The following OR51B5 variants were observed in gnomAD, a reference collection of about 807,000 sequenced individuals.
OR51B5 encodes the protein olfactory receptor family 51 subfamily B member 5, also known as olfactory receptor 51B5.
For missense variants in OR51B5, 456 were observed against 374.6 expected, an observed-to-expected ratio of 1.22 and a Z score of -1.79; for synonymous variants, 186 against 144.8, an observed-to-expected ratio of 1.28 and a Z score of -2.04.
rs759300054 is a variant in OR51B5, at chr11:5,352,281, T to C, written n.85-5371A>G. Reference sequence around the variant, plus strand: ...ATGTCACTGTAGTTTGTCTGACATTTATTCATAGGTTTGGAAAGCATGTTC... The same window carrying C: ...ATGTCACTGTAGTTTGTCTGACATTCATTCATAGGTTTGGAAAGCATGTTC... On this transcript the variant is annotated intron_variant and non_coding_transcript_variant, in intron 1 of 4. Coordinates refer to the OR51B5 transcript ENST00000415970. The C allele has an allele frequency of 8.1e-6, 13 of 1,614,124 alleles. No homozygotes were observed. The Admixed American group carries it at 2.0e-4, about 25-fold the overall frequency.
chr11:5,349,455 A>C (rs574670575), intron 1 of OR51B5, among the ~76,000 whole-genome samples: 193 of 152,152 alleles, frequency 1.3e-3, no homozygotes, highest in Non-Finnish European at 2.1e-3. Context: ...ATATAACACA[A>C]TTAACTAGAT....
At chr11:5,443,428 C>T (rs578012577) in intron 1 of OR51B5, among the ~76,000 whole-genome samples, 1 of 152,052 alleles carries the variant, frequency 6.6e-6, no homozygotes, top group Non-Finnish European at 1.5e-5. Flanking sequence ...GGCTACTCTC[C>T]TTGCTAAACC....
intron 1 of OR51B5, among the ~76,000 whole-genome samples, chr11:5,488,058 T>G (rs1172222264): frequency 1.3e-5 from 2 of 152,156 alleles, no homozygotes; most frequent in African/African-American, 4.8e-5. Flanking sequence ...AAAACATCAA[T>G]GCCATGTTAC....
intron 1 of OR51B5, among the ~76,000 whole-genome samples, chr11:5,363,356 T>TG (rs1849316326): frequency 1.2e-5 from 1 of 81,858 alleles, no homozygotes; most frequent in African/African-American, 4.9e-5. Context: ...TTTTTTGGTT[T>TG]TTGTTTTTTT....
chr11:5,487,023 T>C (rs1340924784), intron 1 of OR51B5, among the ~76,000 whole-genome samples: 1 of 152,150 alleles, frequency 6.6e-6, no homozygotes, highest in East Asian at 1.9e-4. Context: ...AAAAAAGATA[T>C]TAGCCTCATT....
chr11:5,373,826 G>C (rs966177102), intron 1 of OR51B5, among the ~76,000 whole-genome samples: 3 of 152,226 alleles, frequency 2.0e-5, no homozygotes, highest in African/African-American at 7.2e-5. Flanking sequence ...AAGCAGCCAG[G>C]AAGCTCAAAC....
chr11:5,504,761 C>T (rs1049598892), intron 1 of OR51B5, among the ~76,000 whole-genome samples: 7 of 152,326 alleles, frequency 4.6e-5, no homozygotes, highest in Middle Eastern at 3.4e-3. Context: ...ACACTTTCCA[C>T]GTACCAGGCC....
chr11:5,390,691 A>C, intron 1 of OR51B5: 1 of 270,542 alleles, frequency 3.7e-6, no homozygotes, highest in Non-Finnish European at 7.0e-6. Context: ...TAAAAAGAAC[A>C]ATAAATACCA....
intron 1 of OR51B5, among the ~76,000 whole-genome samples, chr11:5,495,007 A>G (rs1851628106): frequency 6.6e-6 from 1 of 152,200 alleles, no homozygotes; most frequent in African/African-American, 2.4e-5. Flanking sequence ...CAGAAGGGAC[A>G]TTAGCAACAT....
intron 1 of OR51B5, among the ~76,000 whole-genome samples, chr11:5,405,580 A>T (rs1471360341): frequency 6.6e-6 from 1 of 152,070 alleles, no homozygotes; most frequent in African/African-American, 2.4e-5. Context: ...CACTTTCTGG[A>T]ATGTTGTTTA....
intron 1 of OR51B5, among the ~76,000 whole-genome samples, chr11:5,399,402 C>T (rs1415520228): frequency 2.0e-5 from 3 of 152,162 alleles, no homozygotes; most frequent in Admixed American, 6.5e-5. Context: ...TAAAGGCTCA[C>T]ATTAAATATT....
intron 1 of OR51B5, chr11:5,455,837 G>A (rs151263320): frequency 5.5e-4 from 83 of 152,092 alleles, no homozygotes; most frequent in African/African-American, 1.7e-3. Flanking sequence ...ATGTCTACAG[G>A]TACAATAAGA....
intron 1 of OR51B5, chr11:5,449,454 G>C (rs549888392): frequency 2.0e-5 from 3 of 152,402 alleles, no homozygotes; most frequent in African/African-American, 7.2e-5. Context: ...GGTATGGTGA[G>C]GGGAAGTGGA....
Position 5,443,249 on chromosome 11 carries a change from A to C in OR51B5, n.84+62320T>G, listed in dbSNP as rs567706043. 3.3e-5 allele frequency among the ~76,000 whole-genome samples: 5 copies of C among 152,230 alleles called. No individual in the cohort carries two copies. In the South Asian group the frequency reaches 8.3e-4, roughly 25 times the overall value. Reference sequence around the variant, plus strand: ...CCATTTTATTCCTACCACTCCTCATAAACAGAGTGAAATTAGATGGTGACA... The same window carrying C: ...CCATTTTATTCCTACCACTCCTCATCAACAGAGTGAAATTAGATGGTGACA... On this transcript the variant is annotated intron_variant and non_coding_transcript_variant, in intron 1 of 4. Transcript: ENST00000415970.
chr11:5,411,206 T>C lies in OR51B5; in HGVS notation n.85-64296A>G, dbSNP rs541749868. On this transcript the variant is annotated intron_variant and non_coding_transcript_variant, in intron 1 of 4. Coordinates refer to the OR51B5 transcript ENST00000415970. The stretch of plus-strand genomic sequence containing the variant: ...GTACATGCCCTATTCAGGTGTATCA[T>C]TGTTTATCTGTTGTAGCATTTTTTA... 7.9e-5 allele frequency among the ~76,000 whole-genome samples: 12 copies of C among 152,338 alleles called. No homozygotes were observed. In the East Asian group the frequency reaches 9.6e-4, roughly 12 times the overall value.
intron 1 of OR51B5, among the ~76,000 whole-genome samples, chr11:5,480,447 A>G (rs1201399128): frequency 3.3e-5 from 5 of 151,116 alleles, no homozygotes; most frequent in African/African-American, 1.2e-4. Context: ...AATTAAAAGA[A>G]CTAGAAAAGC....
intron 1 of OR51B5, among the ~76,000 whole-genome samples, chr11:5,419,495 A>T (rs1850298195): frequency 6.6e-6 from 1 of 152,220 alleles, no homozygotes; most frequent in South Asian, 2.1e-4. Flanking sequence ...TTCCCCTGTC[A>T]TTATTCCCTA....
Position 5,450,235 on chromosome 11 carries a change from A to T in OR51B5, n.84+55334T>A, listed in dbSNP as rs188689063. Among the ~76,000 whole-genome samples, 988 of 152,120 alleles carry T rather than the reference A, an allele frequency of 6.5e-3. 2 individuals carry two copies. The highest frequency in any genetic ancestry group is 0.01 in the Non-Finnish European group (705 of 68,002). Reference sequence around the variant, plus strand: ...GAAACCCTGTCTCTATTAAAAATACAAAAATTAGCCAGGCGTGGTGGCAGG... The same window carrying T: ...GAAACCCTGTCTCTATTAAAAATACTAAAATTAGCCAGGCGTGGTGGCAGG... On this transcript the variant is annotated intron_variant and non_coding_transcript_variant, in intron 1 of 4. Coordinates refer to the OR51B5 transcript ENST00000415970.
intron 1 of OR51B5, among the ~76,000 whole-genome samples, chr11:5,371,647 G>T (rs562900384): frequency 6.6e-6 from 1 of 152,082 alleles, no homozygotes; most frequent in Non-Finnish European, 1.5e-5. Flanking sequence ...AAACAAGTAA[G>T]CTTGTTCAAA....
Sources: allele counts gnomAD v4.1 joint callset (sites outside exome capture counted in the v4.1 genomes callset), GRCh38; gene constraint gnomAD v4.1.1; transcripts MANE v1.5; gene names NCBI Gene and HGNC (gene_info 2026-07-23, HGNC 2026-07-21).